The following FARSB variants were observed in gnomAD, a reference collection of about 807,000 sequenced individuals.
FARSB encodes the protein phenylalanine--tRNA ligase beta subunit.
FARSB carries 40 observed loss-of-function variants against 69.6 expected under a neutral mutation model. The observed-to-expected ratio is 0.57, with a 90% CI of 0.45 to 0.75. The LOEUF (loss-of-function observed/expected upper bound fraction) is 0.75, where lower values mean the gene tolerates loss of function less well. Ranked by LOEUF, FARSB falls within the 30% of genes least tolerant of loss-of-function variation. The pLI is 0.00. For synonymous variants in FARSB, 235 were observed against 247.2 expected (o/e 0.95, Z 0.46); for missense variants, 632 against 722.9 (o/e 0.87, Z 1.44).
chr2:222,576,167 T>C (rs1362924415), intron 16 of FARSB, among the ~76,000 whole-genome samples: 1 of 152,110 alleles, frequency 6.6e-6, no homozygotes, highest in Non-Finnish European at 1.5e-5. Context: ...TAATTCCTGA[T>C]CTTCATCCCC....
chr2:222,599,535 T>C (rs1281929138), intron 16 of FARSB, among the ~76,000 whole-genome samples: 1 of 152,214 alleles, frequency 6.6e-6, no homozygotes, highest in Non-Finnish European at 1.5e-5. Flanking sequence ...TTTTCTTTTG[T>C]CTTAAAGCCA....
At chr2:222,639,806 C>T (rs1574950035) in intron 4 of FARSB, 111 bp from the exon 5 acceptor site, 2 of 436,792 alleles carry the variant, frequency 4.6e-6, no homozygotes, top group Non-Finnish European at 8.1e-6. Flanking sequence ...TTCATTCAAA[C>T]AAGTATATAT....
intron 3 of FARSB, 151 bp from the exon 4 acceptor site, chr2:222,641,082 A>C (rs911384270): frequency 4.6e-6 from 2 of 435,940 alleles, no homozygotes; most frequent in East Asian, 7.3e-5. Context: ...CACTAAAAAA[A>C]AAAAACAAAA....
chr2:222,604,547 C>T (rs1033688840), intron 15 of FARSB, among the ~76,000 whole-genome samples: 14 of 151,872 alleles, frequency 9.2e-5, no homozygotes, highest in African/African-American at 2.9e-4. Flanking sequence ...CAACCTAAAC[C>T]GTCAGTAATT....
At chr2:222,573,726 A>G (rs1264419482) in intron 16 of FARSB, among the ~76,000 whole-genome samples, 2 of 152,218 alleles carry the variant, frequency 1.3e-5, no homozygotes, top group African/African-American at 4.8e-5. Context: ...TATTTATCCC[A>G]GCACCCCAGC....
chr2:222,632,241 C>A (rs114870954), intron 7 of FARSB, among the ~76,000 whole-genome samples: 1,525 of 152,316 alleles, frequency 0.01, 20 homozygotes, highest in African/African-American at 0.035. Flanking sequence ...AATTAACAGG[C>A]CTTTACTGAA....
chr2:222,585,255 T>TC (rs1690082142), intron 16 of FARSB, among the ~76,000 whole-genome samples: 1 of 151,996 alleles, frequency 6.6e-6, no homozygotes, highest in Non-Finnish European at 1.5e-5. Context: ...TCCAGCAAAC[T>TC]CCAACAGACC....
At chr2:222,586,361 C>T (rs1690112704) in intron 16 of FARSB, among the ~76,000 whole-genome samples, 1 of 152,120 alleles carries the variant, frequency 6.6e-6, no homozygotes, top group African/African-American at 2.4e-5. Flanking sequence ...CTGAAGGAAG[C>T]ACTAAACATG....
At chr2:222,620,664 T>C (rs1157519431) in intron 13 of FARSB, among the ~76,000 whole-genome samples, 2 of 152,244 alleles carry the variant, frequency 1.3e-5, no homozygotes, top group Non-Finnish European at 2.9e-5. Flanking sequence ...AAGGATAAAT[T>C]ATTATCATGT....
At chr2:222,635,796 GAGGCC>G (rs1391837793) in intron 5 of FARSB, among the ~76,000 whole-genome samples, 1 of 152,148 alleles carries the variant, frequency 6.6e-6, no homozygotes, top group Non-Finnish European at 1.5e-5. Flanking sequence ...AGAAAATACA[GAGGCC>G]AGGTGAGGTG....
At chr2:222,599,639 G>A (rs1438171900) in intron 16 of FARSB, among the ~76,000 whole-genome samples, 1 of 152,132 alleles carries the variant, frequency 6.6e-6, no homozygotes, top group Non-Finnish European at 1.5e-5. Context: ...ATGGCTTAAA[G>A]GTGCCAGTGA....
In FARSB at chr2:222,571,762, T is replaced by C; in HGVS notation, c.*109A>G. ...CACAGCCAGACAGTGCTTTCTACTT[T>C]ATTAAACATCAAAGCCCAAATAGAT... On this transcript the variant is annotated 3_prime_UTR_variant, in exon 17 of 17. Coordinates refer to ENST00000281828, the MANE Select transcript of FARSB (RefSeq NM_005687.5). 1 of 938,360 alleles carries C rather than the reference T, an allele frequency of 1.1e-6. No individual in the cohort carries two copies. The highest frequency in any genetic ancestry group is 1.8e-5 in the South Asian group (1 of 57,008). The allele number at this position is 938,360 out of a possible 1,614,324, so 58.1% of individuals were successfully genotyped here.
chr2:222,595,389 G>A (rs1283793992), intron 16 of FARSB, among the ~76,000 whole-genome samples: 2 of 152,112 alleles, frequency 1.3e-5, no homozygotes, highest in African/African-American at 4.8e-5. Flanking sequence ...ATCTTTCACA[G>A]GTGTCCTGAA....
chr2:222,619,428 C>G (rs1362008502), intron 14 of FARSB, among the ~76,000 whole-genome samples: 1 of 151,036 alleles, frequency 6.6e-6, no homozygotes, highest in Non-Finnish European at 1.5e-5. Flanking sequence ...CAAGTAAGAA[C>G]CCAGTATGAA....
chr2:222,571,969 C>A lies in FARSB; in HGVS notation c.1672G>T (p.Val558Phe). The change falls in exon 17 of 17, where the codon GTC becomes TTC. Residue 558 changes from valine to phenylalanine, a missense_variant. Val to Phe is a conservative substitution (Grantham distance 50, BLOSUM62 -1). Coordinates refer to ENST00000281828, the MANE Select transcript of FARSB (RefSeq NM_005687.5). ...GGATGAAGGACCCCAAGCTTCCCGA[C>A]GCTTTGACCCCTGGCAAAGATCTCT... ...CAEIFARGQS[V>F]GKLGVLHPDV... is the part of the protein sequence containing the mutation. 1.9e-6 allele frequency: 3 copies of A among 1,613,922 alleles called. No individual in the cohort carries two copies.
intron 8 of FARSB, 111 bp downstream of exon 8, chr2:222,631,493 T>C: frequency 1.4e-6 from 1 of 709,238 alleles, no homozygotes; most frequent in South Asian, 1.6e-5. Flanking sequence ...TTCTAAAATA[T>C]GTTCCCACCT....
chr2:222,655,881 G>A, intron 1 of FARSB, 135 bp downstream of exon 1: 1 of 695,834 alleles, frequency 1.4e-6, no homozygotes, highest in Non-Finnish European at 2.6e-6. Flanking sequence ...ACCATCATCG[G>A]CCTTCCCGCG....
intron 16 of FARSB, among the ~76,000 whole-genome samples, chr2:222,572,637 A>T (rs1689745333): frequency 6.6e-6 from 1 of 152,208 alleles, no homozygotes; most frequent in Admixed American, 6.5e-5. Flanking sequence ...CTTTCTAAGC[A>T]GTTCTGAAGC....
In FARSB at chr2:222,599,974, C is replaced by G; in HGVS notation, c.1572G>C (p.Val524=). 1 of 1,609,888 alleles carries G rather than the reference C, an allele frequency of 6.2e-7. No individual in the cohort carries two copies. The highest frequency in any genetic ancestry group is 1.7e-5 in the Admixed American group (1 of 58,514). ...ATCCCCCCTTGTCTTCACCAGGAGG[C>G]ACATCGAGCAACTGCATAATTCTGT... is the stretch of plus-strand genomic sequence containing the variant. ...LLDRIMQLLD[V]PPGEDKGGYV... The change falls in exon 16 of 17, where the codon GTG becomes GTC. Residue 524 remains valine, a synonymous_variant. Coordinates refer to ENST00000281828, the MANE Select transcript of FARSB (RefSeq NM_005687.5).
Sources: gnomAD v4.1 joint callset for allele counts (sites outside exome capture counted in the v4.1 genomes callset) on GRCh38, gnomAD v4.1.1 for gene constraint, MANE v1.5 for transcripts, NCBI Gene and HGNC (gene_info 2026-07-23, HGNC 2026-07-21) for gene names.